Variants in TEX36 observed in about 807,000 individuals in gnomAD.
TEX36 encodes testis expressed 36, also known as testis-expressed protein 36.
A neutral mutation model predicts 13.6 loss-of-function variants in TEX36; 12 were observed. The observed-to-expected ratio is 0.88, with a 90% CI of 0.56 to 1.43. The LOEUF is 1.43. TEX36 is among the 40% of genes most tolerant of loss of function. The pLI, the probability that TEX36 is intolerant of heterozygous loss-of-function variation, is 0.00. For missense variants in TEX36, 224 were observed against 228.3 expected, an observed-to-expected ratio of 0.98 and a Z score of 0.12; for synonymous variants, 93 against 83.0, an observed-to-expected ratio of 1.12 and a Z score of -0.65.
At chr10:125,673,584 C>A (rs1421337464) in intron 1 of TEX36, among the ~76,000 whole-genome samples, 1 of 151,830 alleles carries the variant, frequency 6.6e-6, no homozygotes, top group Non-Finnish European at 1.5e-5. Flanking sequence ...GTGTCAGGTG[C>A]CTGTAATCCC....
chr10:125,682,163 G>T (rs1469510625), intron 1 of TEX36, among the ~76,000 whole-genome samples: 4 of 151,536 alleles, frequency 2.6e-5, no homozygotes, highest in African/African-American at 9.8e-5. Context: ...AAGGCTTGAG[G>T]CTTGTCGGCC....
At chr10:125,669,198 G>A (rs903701290) in intron 1 of TEX36, among the ~76,000 whole-genome samples, 1 of 152,178 alleles carries the variant, frequency 6.6e-6, no homozygotes, top group African/African-American at 2.4e-5. Context: ...GGCTGAGGCA[G>A]GAGAATTGCT....
At chr10:125,609,381 G>A (rs947212194) in intron 3 of TEX36, among the ~76,000 whole-genome samples, 6 of 152,110 alleles carry the variant, frequency 3.9e-5, no homozygotes, top group South Asian at 2.1e-4. Context: ...CACCCAGCAC[G>A]GTTCCTCTTT....
intron 3 of TEX36, among the ~76,000 whole-genome samples, chr10:125,592,330 T>C (rs192646454): frequency 6.6e-6 from 1 of 152,262 alleles, no homozygotes; most frequent in Non-Finnish European, 1.5e-5. Context: ...AGTCTGTCTT[T>C]GATGAGCTTC....
At chr10:125,633,556 G>T (rs1251805968) in intron 3 of TEX36, among the ~76,000 whole-genome samples, 3 of 152,210 alleles carry the variant, frequency 2.0e-5, no homozygotes, top group African/African-American at 7.2e-5. Flanking sequence ...CAACACAAAG[G>T]TTCTGATAGC....
intron 3 of TEX36, among the ~76,000 whole-genome samples, chr10:125,639,639 G>A (rs2133573901): frequency 6.6e-6 from 1 of 152,252 alleles, no homozygotes; most frequent in African/African-American, 2.4e-5. Flanking sequence ...GAGGGGCTGT[G>A]GCCATATTAA....
intron 3 of TEX36, among the ~76,000 whole-genome samples, chr10:125,578,721 C>A (rs374970099): frequency 1.3e-5 from 2 of 152,162 alleles, no homozygotes; most frequent in African/African-American, 4.8e-5. Flanking sequence ...GCCAGACCAC[C>A]CCATCTCATG....
At chr10:125,592,658 A>G (rs1349736857) in intron 3 of TEX36, among the ~76,000 whole-genome samples, 1 of 152,026 alleles carries the variant, frequency 6.6e-6, no homozygotes, top group Non-Finnish European at 1.5e-5. Flanking sequence ...CCTCAGGGCA[A>G]GGGCTCAGTC....
At chr10:125,658,424 A>G (rs1359345248) in intron 3 of TEX36, among the ~76,000 whole-genome samples, 2 of 152,156 alleles carry the variant, frequency 1.3e-5, no homozygotes, top group Non-Finnish European at 2.9e-5. Flanking sequence ...ATCAGGCAAA[A>G]AAAACTTTAG....
downstream of TEX36, among the ~76,000 whole-genome samples, chr10:125,652,307 G>C (rs985426290): frequency 6.6e-6 from 1 of 152,110 alleles, no homozygotes; most frequent in African/African-American, 2.4e-5. Flanking sequence ...CAATGGAACA[G>C]AACAGAGCCC....
intron 3 of TEX36, among the ~76,000 whole-genome samples, chr10:125,642,412 G>A (rs1846705541): frequency 1.3e-5 from 2 of 152,174 alleles, no homozygotes; most frequent in Non-Finnish European, 1.5e-5. Context: ...CTTTGACACA[G>A]AGGACAGGAG....
chr10:125,587,786 T>TAAAA (rs56198506), intron 3 of TEX36, among the ~76,000 whole-genome samples: 38 of 101,870 alleles, frequency 3.7e-4, no homozygotes, highest in African/African-American at 1.2e-3. Flanking sequence ...GTCTCAAAAT[T>TAAAA]AAAAAAAAAA....
intron 3 of TEX36, among the ~76,000 whole-genome samples, chr10:125,607,900 C>T (rs1846235021): frequency 6.6e-6 from 1 of 152,272 alleles, no homozygotes; most frequent in Admixed American, 6.5e-5. Context: ...GACTTTCCCA[C>T]AGAAGATTGA....
chr10:125,579,593 C>T (rs992685392), intron 3 of TEX36, among the ~76,000 whole-genome samples: 96 of 152,236 alleles, frequency 6.3e-4, no homozygotes, highest in African/African-American at 2.2e-3. Flanking sequence ...TGTGTCCCTG[C>T]CCAAATTTCA....
At chr10:125,580,499 G>A (rs913220433) in intron 3 of TEX36, among the ~76,000 whole-genome samples, 2 of 152,188 alleles carry the variant, frequency 1.3e-5, no homozygotes, top group African/African-American at 4.8e-5. Context: ...GTGCCTGGAG[G>A]GGTAAAGGGG....
At chr10:125,586,312 T>C (rs374881613) in intron 3 of TEX36, among the ~76,000 whole-genome samples, 21 of 152,310 alleles carry the variant, frequency 1.4e-4, no homozygotes, top group Middle Eastern at 3.4e-3. Flanking sequence ...AGTAAAATCA[T>C]TGGGTCAAAG....
intron 3 of TEX36, among the ~76,000 whole-genome samples, chr10:125,646,952 C>T (rs920286899): frequency 6.6e-6 from 1 of 152,118 alleles, no homozygotes; most frequent in African/African-American, 2.4e-5. Context: ...GGAGAGAAAG[C>T]TGCCTTCAAC....
At chr10:125,618,577 G>T (rs993395562), downstream of TEX36, among the ~76,000 whole-genome samples, 1 of 152,070 alleles carries the variant, frequency 6.6e-6, no homozygotes, top group South Asian at 2.1e-4. Context: ...CTGCTGGGGG[G>T]TGCCTCTCAG....
At chr10:125,601,022 G>T (rs956741780) in intron 3 of TEX36, among the ~76,000 whole-genome samples, 4 of 152,204 alleles carry the variant, frequency 2.6e-5, no homozygotes, top group African/African-American at 9.6e-5. Flanking sequence ...TTTCTCATTT[G>T]GCCAGAGGAG....
Sources: gnomAD v4.1 joint callset for allele counts (sites outside exome capture counted in the v4.1 genomes callset) on GRCh38, gnomAD v4.1.1 for gene constraint, MANE v1.5 for transcripts, NCBI Gene and HGNC (gene_info 2026-07-23, HGNC 2026-07-21) for gene names.